The following SLC47A2 variants were observed in gnomAD, a reference collection of about 807,000 sequenced individuals.
SLC47A2 encodes the protein multidrug and toxin extrusion protein 2.
In SLC47A2, 52 loss-of-function variants were observed where a neutral mutation model predicts 67.7. The ratio of observed to expected loss-of-function variants is 0.77; its 90% CI spans 0.61 to 0.97. The LOEUF is 0.97. Among genes scored for constraint, SLC47A2 ranks in the 50% least tolerant of loss-of-function variants. The probability of loss-of-function intolerance (pLI) is 0.00; values close to 1 mark genes in which losing one functional copy is unlikely to be tolerated. For missense variants in SLC47A2, 676 were observed against 712.3 expected (o/e 0.95, Z 0.58); for synonymous variants, 278 against 292.9 (o/e 0.95, Z 0.52).
At chr17:19,692,119 T>C (rs1483293189) in intron 13 of SLC47A2, among the ~76,000 whole-genome samples, 2 of 151,554 alleles carry the variant, frequency 1.3e-5, no homozygotes, top group Admixed American at 1.3e-4. Context: ...TCCCAGCTAC[T>C]CAGGAGGCTG....
In SLC47A2 at chr17:19,711,551, T is replaced by C. The variant is rs562457678; in HGVS notation, c.486+1152A>G. On this transcript the variant is annotated intron_variant, in intron 5 of 16. Coordinates refer to ENST00000433844, the MANE Select transcript of SLC47A2 (RefSeq NM_001099646.3). Reference sequence around the variant, plus strand: ...TTGCAGTGAGCGGAGATCGTACCACTGCACTCCAGCCTGGATGACAGAGCA... The same window carrying C: ...TTGCAGTGAGCGGAGATCGTACCACCGCACTCCAGCCTGGATGACAGAGCA... Among the ~76,000 whole-genome samples the C allele has an allele frequency of 4.3e-5, 5 of 117,554 alleles. No individual in the cohort carries two copies. The South Asian group carries it at 1.4e-3, about 34-fold the overall frequency. 77.1% of individuals were successfully genotyped at this position (117,554 alleles called of 152,430 possible). A position where few individuals can be genotyped will look rare whatever the true frequency, so the allele number is the denominator to read the frequency against.
intron 10 of SLC47A2, chr17:19,705,098 A>AGG: frequency 2.6e-6 from 1 of 383,298 alleles, no homozygotes; most frequent in Non-Finnish European, 4.7e-6. Context: ...CTGGGATTAC[A>AGG]CACGTGAGCC....
intron 13 of SLC47A2, among the ~76,000 whole-genome samples, chr17:19,694,626 A>G (rs1166924745): frequency 1.3e-5 from 2 of 152,190 alleles, no homozygotes; most frequent in Non-Finnish European, 2.9e-5. Context: ...TGAACTAAAA[A>G]TGGATCAGAG....
At chr17:19,705,047 G>A (rs1334361969) in intron 10 of SLC47A2, 2 of 329,558 alleles carry the variant, frequency 6.1e-6, no homozygotes, top group Non-Finnish European at 1.1e-5. Flanking sequence ...GGTTGGTCTT[G>A]AACTCCTGGC....
In SLC47A2 at chr17:19,708,358, G is replaced by C; in HGVS notation, c.573C>G (p.Asn191Lys). ...CATAGTTGGCCACACCGTTGACACA[G>C]TTGCCCACCACACCACTGAGGACTT... ...WPQVLSGVVGNCVNGVANYAL... is the reference protein window; with the variant it reads ...WPQVLSGVVGKCVNGVANYAL... The change falls in exon 7 of 17, where the codon AAC (asparagine) becomes AAG (lysine). Residue 191 changes from asparagine (N) to lysine (K), a missense_variant. Physicochemically the swap from Asn to Lys is moderately conservative, Grantham distance 94. Coordinates refer to ENST00000433844, the MANE Select transcript of SLC47A2 (RefSeq NM_001099646.3). 6.2e-7 allele frequency: 1 copy of C among 1,613,972 alleles called. No individual in the cohort carries two copies. The highest frequency in any genetic ancestry group is 8.5e-7 in the Non-Finnish European group (1 of 1,180,028).
At chr17:19,715,309 C>T (rs1377847855) in intron 1 of SLC47A2, 92 bp from the exon 2 acceptor site, 4 of 1,146,778 alleles carry the variant, frequency 3.5e-6, no homozygotes, top group Admixed American at 4.0e-5. Flanking sequence ...GAGGGCCCCG[C>T]ACCAGTGCCC....
At chr17:19,694,141 G>T (rs1395291643) in intron 13 of SLC47A2, among the ~76,000 whole-genome samples, 2 of 152,230 alleles carry the variant, frequency 1.3e-5, no homozygotes, top group Non-Finnish European at 2.9e-5. Context: ...AATAACTAGA[G>T]ACATTCTGTG....
intron 5 of SLC47A2, among the ~76,000 whole-genome samples, chr17:19,709,766 T>G (rs1055659219): frequency 6.6e-6 from 1 of 152,090 alleles, no homozygotes; most frequent in Non-Finnish European, 1.5e-5. Flanking sequence ...CAGCTGCATT[T>G]TATGGAAGGA....
At chr17:19,703,403 G>A (rs1277175614) in intron 11 of SLC47A2, among the ~76,000 whole-genome samples, 6 of 152,318 alleles carry the variant, frequency 3.9e-5, no homozygotes, top group African/African-American at 9.6e-5. Flanking sequence ...CAGAGTGGGC[G>A]GCACGCTGGC....
At chr17:19,705,360 C>T in intron 10 of SLC47A2, 76 bp downstream of exon 10, 1 of 1,471,102 alleles carries the variant, frequency 6.8e-7, no homozygotes, top group African/African-American at 1.4e-5. Context: ...CTTCAGGTGA[C>T]AGCCTGCCCC....
At position 19,702,499 on chromosome 17, in the gene SLC47A2, T is replaced by A. The variant is rs943617189; in HGVS notation, c.1164+106A>T. The stretch of plus-strand genomic sequence containing the variant: ...CACTTACTATACAGTTAGCCCTTCA[T>A]GTGTATTAACAAGTTCATCCTCACA... On this transcript the variant is annotated intron_variant, in intron 13 of 16. Coordinates refer to ENST00000433844, the MANE Select transcript of SLC47A2 (RefSeq NM_001099646.3). The A allele has an allele frequency of 1.1e-5, 17 of 1,546,108 alleles. No individual in the cohort carries two copies. In the South Asian group the frequency reaches 2.0e-4, roughly 19 times the overall value.
chr17:19,695,444 C>T (rs115400218), intron 13 of SLC47A2, among the ~76,000 whole-genome samples: 2 of 135,098 alleles, frequency 1.5e-5, no homozygotes, highest in Non-Finnish European at 3.0e-5. Flanking sequence ...ATGGTGCCAA[C>T]TGCACTCCAG....
intron 9 of SLC47A2, 47 bp from the exon 10 acceptor site, chr17:19,705,550 C>G (rs1429088033): frequency 1.3e-6 from 2 of 1,571,864 alleles, no homozygotes; most frequent in South Asian, 2.3e-5. Context: ...CCCAGACACC[C>G]AGACCCTGCG....
At chr17:19,687,708 T>C (rs2085457544) in intron 13 of SLC47A2, among the ~76,000 whole-genome samples, 1 of 152,176 alleles carries the variant, frequency 6.6e-6, no homozygotes, top group African/African-American at 2.4e-5. Flanking sequence ...AACGTTACTA[T>C]GAGCAACTGT....
intron 10 of SLC47A2, 179 bp downstream of exon 10, chr17:19,705,257 G>T (rs899864161): frequency 1.5e-5 from 8 of 527,266 alleles, no homozygotes; most frequent in African/African-American, 1.4e-4. Context: ...CAGGTTGTGG[G>T]CACCTGTGTG....
intron 2 of SLC47A2, 31 bp from the exon 3 acceptor site, chr17:19,714,820 T>A (rs933889752): frequency 3.1e-6 from 5 of 1,613,736 alleles, no homozygotes; most frequent in Non-Finnish European, 3.4e-6. Flanking sequence ...AAACAAGAGC[T>A]TGTCAGGTGA....
At chr17:19,682,364 CA>C (rs1491527423) in intron 13 of SLC47A2, among the ~76,000 whole-genome samples, 1 of 146,774 alleles carries the variant, frequency 6.8e-6, no homozygotes, top group African/African-American at 2.7e-5. Context: ...CACACACACA[CA>C]AATTTATTAT....
intron 13 of SLC47A2, among the ~76,000 whole-genome samples, chr17:19,696,445 A>T (rs888574131): frequency 6.8e-6 from 1 of 146,000 alleles, no homozygotes; most frequent in Admixed American, 7.1e-5. Context: ...CTGGCAACAT[A>T]GCAAGACTCC....
upstream of SLC47A2, chr17:19,717,699 G>A (rs2086295484): frequency 6.6e-6 from 1 of 151,818 alleles, no homozygotes; most frequent in African/African-American, 2.4e-5. Flanking sequence ...AAGGAGAGGA[G>A]GCAGGACAAA....
Sources: allele counts gnomAD v4.1 joint callset (sites outside exome capture counted in the v4.1 genomes callset), GRCh38; gene constraint gnomAD v4.1.1; transcripts MANE v1.5; gene names NCBI Gene and HGNC (gene_info 2026-07-23, HGNC 2026-07-21).